The following ADGRV1 variants were observed in gnomAD, a reference collection of about 807,000 sequenced individuals.
ADGRV1 encodes the protein G-protein coupled receptor 98.
A neutral mutation model predicts 596.2 loss-of-function variants in ADGRV1; 359 were observed. That is an observed-to-expected ratio of 0.60 (90% CI 0.55 to 0.66). The LOEUF is 0.66. Among genes scored for constraint, ADGRV1 ranks in the 30% least tolerant of loss-of-function variants. The pLI, the probability that ADGRV1 is intolerant of heterozygous loss-of-function variation, is 0.00. For synonymous variants in ADGRV1, 2,681 were observed against 2,679.2 expected (o/e 1.00, Z -0.02); for missense variants, 7,274 against 7,575.6 (o/e 0.96, Z 1.48).
intron 1 of ADGRV1, among the ~76,000 whole-genome samples, chr5:90,610,131 T>C (rs994553843): frequency 2.6e-5 from 4 of 151,970 alleles, no homozygotes; most frequent in Non-Finnish European, 4.4e-5. Flanking sequence ...TTACATTTCC[T>C]AAGGTGCCCA....
intron 77 of ADGRV1, among the ~76,000 whole-genome samples, chr5:90,830,834 A>G (rs1764461228): frequency 6.6e-6 from 1 of 152,118 alleles, no homozygotes; most frequent in Non-Finnish European, 1.5e-5. Context: ...TTGGCGTGTA[A>G]ATCAGTAGAC....
At chr5:90,623,796 G>T (rs896584890) in intron 5 of ADGRV1, among the ~76,000 whole-genome samples, 18 of 152,130 alleles carry the variant, frequency 1.2e-4, no homozygotes, top group Non-Finnish European at 2.9e-5. Flanking sequence ...AAATGTTACA[G>T]GATGTGGCAT....
In ADGRV1 at chr5:91,164,159, A is replaced by G. The variant is rs147905321; in HGVS notation, c.*259A>G. On this transcript the variant is annotated 3_prime_UTR_variant, in exon 90 of 90. Transcript: ENST00000405460. ...AAGGATATTAGTTGTTTTTTTAATC[A>G]TCCTATATGGCTAACATTGTTTAAT... 3.8e-3 allele frequency: 1,975 copies of G among 520,000 alleles called. 6 individuals carry two copies. Among genetic ancestry groups the G allele is most frequent in the Non-Finnish European group, 5.6e-3 (1,569 of 280,612 alleles). 32.2% of individuals were successfully genotyped at this position (520,000 alleles called of 1,614,324 possible).
intron 70 of ADGRV1, among the ~76,000 whole-genome samples, chr5:90,796,469 T>C (rs530447418): frequency 1.3e-5 from 2 of 151,820 alleles, no homozygotes; most frequent in South Asian, 2.1e-4. Context: ...CCAAGAAATA[T>C]GGGACTATGT....
chr5:90,791,465 A>G, intron 70 of ADGRV1, 119 bp downstream of exon 70: 2 of 719,656 alleles, frequency 2.8e-6, no homozygotes, highest in South Asian at 4.0e-5. Context: ...CCACAAAAAA[A>G]TGCCCTCGAA....
Position 90,689,828 on chromosome 5 carries a change from G to A in ADGRV1, c.6491-33G>A, listed in dbSNP as rs758564285. On this transcript the variant is annotated intron_variant, in intron 29 of 89. Transcript: ENST00000405460. Reference sequence around the variant, plus strand: ...TATGGAATGTTTTGATCATATTTTAGAAGTCTTAACATTTTACTTTTGGTC... The same window carrying A: ...TATGGAATGTTTTGATCATATTTTAAAAGTCTTAACATTTTACTTTTGGTC... 2.1e-6 allele frequency: 3 copies of A among 1,446,994 alleles called. No individual in the cohort carries two copies. In the Admixed American group the frequency reaches 5.4e-5, roughly 26 times the overall value. The allele number at this position is 1,446,994 out of a possible 1,614,324, so 89.6% of individuals were successfully genotyped here.
At chr5:91,020,727 G>A (rs1326100468) in intron 85 of ADGRV1, among the ~76,000 whole-genome samples, 4 of 151,996 alleles carry the variant, frequency 2.6e-5, no homozygotes, top group Admixed American at 6.6e-5. Context: ...GAAGGCATGC[G>A]AGCTTGATAG....
chr5:91,106,619 T>G (rs377754759), intron 87 of ADGRV1, among the ~76,000 whole-genome samples: 1 of 152,188 alleles, frequency 6.6e-6, no homozygotes, highest in South Asian at 2.1e-4. Flanking sequence ...GAGATAACTA[T>G]TAATGAAATT....
intron 85 of ADGRV1, among the ~76,000 whole-genome samples, chr5:91,039,736 T>C (rs372343955): frequency 3.3e-5 from 5 of 152,052 alleles, no homozygotes; most frequent in Non-Finnish European, 5.9e-5. Context: ...ACAAGGTACA[T>C]TGATATAAGA....
At chr5:90,686,847 C>G (rs925518175) in intron 29 of ADGRV1, among the ~76,000 whole-genome samples, 1 of 152,132 alleles carries the variant, frequency 6.6e-6, no homozygotes, top group African/African-American at 2.4e-5. Context: ...TAAAAGTGTT[C>G]CTATTTCTCC....
chr5:90,945,532 A>G (rs114602165), intron 83 of ADGRV1, among the ~76,000 whole-genome samples: 2,593 of 152,272 alleles, frequency 0.017, 69 homozygotes, highest in African/African-American at 0.058. Flanking sequence ...GCAGATTACT[A>G]TCTTGGGGCC....
intron 83 of ADGRV1, among the ~76,000 whole-genome samples, chr5:90,943,289 T>G (rs1776311410): frequency 6.6e-6 from 1 of 152,078 alleles, no homozygotes; most frequent in Non-Finnish European, 1.5e-5. Flanking sequence ...TGGGATGTAG[T>G]GAGAAAAGCT....
chr5:90,842,795 C>T (rs1231069129), intron 78 of ADGRV1, among the ~76,000 whole-genome samples: 1 of 152,112 alleles, frequency 6.6e-6, no homozygotes. Context: ...TTATTTCAGC[C>T]AAAGCCTTCT....
intron 59 of ADGRV1, among the ~76,000 whole-genome samples, chr5:90,770,836 A>G (rs1337660743): frequency 6.6e-6 from 1 of 152,114 alleles, no homozygotes; most frequent in African/African-American, 2.4e-5. Context: ...TTTTTTATAT[A>G]CCCTTTGAAA....
intron 83 of ADGRV1, among the ~76,000 whole-genome samples, chr5:90,915,440 C>A (rs1307148550): frequency 1.3e-5 from 2 of 152,068 alleles, no homozygotes; most frequent in Non-Finnish European, 2.9e-5. Context: ...ATCTCTGTGT[C>A]CTTTGGTCAG....
intron 86 of ADGRV1, among the ~76,000 whole-genome samples, chr5:91,089,911 G>T (rs1370292171): frequency 2.0e-5 from 3 of 152,134 alleles, no homozygotes; most frequent in African/African-American, 7.2e-5. Context: ...GCCTGAGCAT[G>T]CCTGTAGCTG....
At chr5:91,044,250 AGT>A (rs1447832941) in intron 85 of ADGRV1, among the ~76,000 whole-genome samples, 1 of 152,136 alleles carries the variant, frequency 6.6e-6, no homozygotes, top group African/African-American at 2.4e-5. Flanking sequence ...GATTGTCTGC[AGT>A]GATTCACAAC....
intron 83 of ADGRV1, among the ~76,000 whole-genome samples, chr5:90,902,300 T>C (rs985530211): frequency 1.4e-4 from 21 of 152,172 alleles, no homozygotes; most frequent in Admixed American, 7.2e-4. Context: ...AGGTTACAGA[T>C]TATACCTGTT....
chr5:91,071,963 C>A (rs918390682), intron 85 of ADGRV1, among the ~76,000 whole-genome samples: 4 of 152,228 alleles, frequency 2.6e-5, no homozygotes, highest in East Asian at 1.9e-4. Flanking sequence ...AGGCATGAAC[C>A]ACTGCACCCC....
Sources: allele counts gnomAD v4.1 joint callset (sites outside exome capture counted in the v4.1 genomes callset), GRCh38; gene constraint gnomAD v4.1.1; transcripts MANE v1.5; gene names NCBI Gene and HGNC (gene_info 2026-07-23, HGNC 2026-07-21).